The following GOSR1 variants were observed in gnomAD, a reference collection of about 807,000 sequenced individuals.
GOSR1 encodes the protein 28 kDa Golgi SNARE protein.
Under a neutral mutation model 35.5 loss-of-function variants are expected in GOSR1, and 21 were observed. The ratio of observed to expected loss-of-function variants is 0.59; its 90% CI spans 0.42 to 0.85. The LOEUF (loss-of-function observed/expected upper bound fraction) is 0.85. Ranked by LOEUF, GOSR1 falls within the 40% of genes least tolerant of loss-of-function variation. The pLI is 0.00. For missense variants in GOSR1, 285 were observed against 309.6 expected, an observed-to-expected ratio of 0.92 and a Z score of 0.60; for synonymous variants, 94 against 106.6, an observed-to-expected ratio of 0.88 and a Z score of 0.73.
At chr17:30,506,182 GCACAACT>G (rs759154691) in intron 6 of GOSR1, among the ~76,000 whole-genome samples, 1 of 152,208 alleles carries the variant, frequency 6.6e-6, no homozygotes, top group Non-Finnish European at 1.5e-5. Context: ...AGGAAGAGTT[GCACAACT>G]CTTTCAATCA....
At position 30,518,048 on chromosome 17, in the gene GOSR1, T is replaced by C. The variant is rs1357290766; in HGVS notation, c.540-1891T>C. On this transcript the variant is annotated intron_variant, in intron 7 of 8. Coordinates refer to ENST00000451249, the MANE Select transcript of GOSR1 (RefSeq NM_001007025.2). ...AGCTACAAGACTATCGGCTCTCTGC[T>C]TGTCATCTTTCTGGCTGCATGTAGC... Among the ~76,000 whole-genome samples, 3 of 152,180 alleles carry C rather than the reference T, an allele frequency of 2.0e-5. No homozygotes were observed. The East Asian group carries it at 5.8e-4, about 29-fold the overall frequency.
At chr17:30,503,587 G>A (rs1305178764) in intron 6 of GOSR1, among the ~76,000 whole-genome samples, 7 of 152,186 alleles carry the variant, frequency 4.6e-5, no homozygotes, top group African/African-American at 7.2e-5. Context: ...GTGTCCACAC[G>A]TCCAGGATAT....
intron 6 of GOSR1, among the ~76,000 whole-genome samples, chr17:30,501,961 A>G (rs188693083): frequency 1.5e-4 from 23 of 152,364 alleles, no homozygotes; most frequent in Admixed American, 1.2e-3. Context: ...AGCAGTCAAG[A>G]TGTCCTTAAA....
chr17:30,484,385 G>A (rs1597757663), intron 3 of GOSR1, 84 bp downstream of exon 3: 1 of 844,318 alleles, frequency 1.2e-6, no homozygotes, highest in East Asian at 2.4e-5. Context: ...AGACAGACAT[G>A]TTTATTGAAA....
intron 6 of GOSR1, among the ~76,000 whole-genome samples, chr17:30,498,594 A>G (rs1967086128): frequency 6.6e-6 from 1 of 152,198 alleles, no homozygotes; most frequent in African/African-American, 2.4e-5. Flanking sequence ...ATAGAAAAAG[A>G]TTGAAAAGTT....
intron 2 of GOSR1, among the ~76,000 whole-genome samples, chr17:30,483,872 A>G (rs1237412929): frequency 6.6e-6 from 1 of 152,254 alleles, no homozygotes; most frequent in Admixed American, 6.5e-5. Flanking sequence ...GTAAGTGAAA[A>G]TGGAGAAGAT....
chr17:30,481,438 A>G, intron 2 of GOSR1, 181 bp downstream of exon 2: 1 of 426,814 alleles, frequency 2.3e-6, no homozygotes, highest in South Asian at 3.6e-5. Flanking sequence ...TCTCGAGACT[A>G]GCATTTATTT....
chr17:30,500,937 G>A (rs1967180343), intron 6 of GOSR1, among the ~76,000 whole-genome samples: 1 of 149,408 alleles, frequency 6.7e-6, no homozygotes, highest in African/African-American at 2.5e-5. Context: ...CTGGAGTGCA[G>A]TGGCGGGATC....
chr17:30,492,030 G>A (rs760886782), intron 5 of GOSR1, among the ~76,000 whole-genome samples: 7 of 151,952 alleles, frequency 4.6e-5, no homozygotes, highest in Admixed American at 2.0e-4. Context: ...AGCCAACATT[G>A]TGCCACTGCA....
At position 30,526,546 on chromosome 17, in the gene GOSR1, C is replaced by T. The variant is rs1284149428; in HGVS notation, c.*4168C>T. On this transcript the variant is annotated 3_prime_UTR_variant, in exon 9 of 9. Coordinates refer to ENST00000451249, the MANE Select transcript of GOSR1 (RefSeq NM_001007025.2). ...TCAAGGTATTTGCATCCATTCCCACCCTGTTAGCTCTTAAGGGAGGAGGGA... is the reference window on the plus strand; with the variant it reads ...TCAAGGTATTTGCATCCATTCCCACTCTGTTAGCTCTTAAGGGAGGAGGGA... The T allele has an allele frequency of 6.6e-6, 1 of 152,580 alleles. No homozygotes were observed. The highest frequency in any genetic ancestry group is 2.4e-5 in the African/African-American group (1 of 41,418). 9.5% of individuals were successfully genotyped at this position (152,580 alleles called of 1,614,324 possible).
intron 8 of GOSR1, among the ~76,000 whole-genome samples, chr17:30,520,585 T>C (rs1202509146): frequency 6.6e-6 from 1 of 152,212 alleles, no homozygotes; most frequent in African/African-American, 2.4e-5. Flanking sequence ...TTATTAATAC[T>C]TCCCAGAAAC....
At chr17:30,488,511 T>A (rs184808791) in intron 4 of GOSR1, among the ~76,000 whole-genome samples, 143 of 151,322 alleles carry the variant, frequency 9.5e-4, no homozygotes, top group African/African-American at 3.3e-3. Flanking sequence ...AAAAAATATA[T>A]GTAAGAATGT....
Position 30,490,210 on chromosome 17 carries a change from GAT to G in GOSR1, c.430_431del (p.Ile144Ter). The G allele has an allele frequency of 7.0e-7, 1 of 1,436,538 alleles. No individual in the cohort carries two copies. The highest frequency in any genetic ancestry group is 9.8e-7 in the Non-Finnish European group (1 of 1,018,640). 89.0% of individuals were successfully genotyped at this position (1,436,538 alleles called of 1,614,324 possible). On this transcript the variant is annotated frameshift_variant, in exon 5 of 9. Transcript: ENST00000451249. LOFTEE classifies it high-confidence loss of function. ...RENLMGSVRK[D>X]IESYKSGSGV... ...GAATCTTATGGGATCAGTACGAAAA[GAT>G]ATTGAGTAAGTTACTTTTTATATTA...
intron 6 of GOSR1, among the ~76,000 whole-genome samples, chr17:30,506,026 G>A (rs945761577): frequency 1.2e-4 from 18 of 152,110 alleles, no homozygotes; most frequent in African/African-American, 4.1e-4. Context: ...CACCGTGCCC[G>A]GCCAGTTGTG....
chr17:30,494,843 A>G (rs1597775623), intron 6 of GOSR1, among the ~76,000 whole-genome samples: 1 of 150,982 alleles, frequency 6.6e-6, no homozygotes, highest in Middle Eastern at 3.5e-3. Context: ...CCTAACTTCA[A>G]GAGATCCACC....
intron 6 of GOSR1, among the ~76,000 whole-genome samples, chr17:30,507,834 GAT>G (rs1338418740): frequency 6.6e-6 from 1 of 152,134 alleles, no homozygotes; most frequent in East Asian, 1.9e-4. Flanking sequence ...GATTTTAACA[GAT>G]AAGCAAAAGA....
rs143767909 is a variant in GOSR1 at position 30,498,596 on chromosome 17, T to G, written c.509+5843T>G. Among the ~76,000 whole-genome samples, 127 of 152,278 alleles carry G rather than the reference T, an allele frequency of 8.3e-4. 1 individual carries two copies. The East Asian group carries it at 0.023, about 27-fold the overall frequency. Reference sequence around the variant, plus strand: ...TCTCCAAGTAGAGATAGAAAAAGATTGAAAAGTTGAAACTCAGACCTCATG... The same window carrying G: ...TCTCCAAGTAGAGATAGAAAAAGATGGAAAAGTTGAAACTCAGACCTCATG... On this transcript the variant is annotated intron_variant, in intron 6 of 8. Coordinates refer to ENST00000451249, the MANE Select transcript of GOSR1 (RefSeq NM_001007025.2).
At chr17:30,522,162 C>G (rs1968059886) in intron 8 of GOSR1, 92 bp from the exon 9 acceptor site, 3 of 1,006,422 alleles carry the variant, frequency 3.0e-6, no homozygotes, top group Middle Eastern at 4.4e-4. Flanking sequence ...ATCACTGTTT[C>G]TAGACACCAC....
chr17:30,486,420 G>A (rs1463763832), intron 4 of GOSR1, among the ~76,000 whole-genome samples: 2 of 151,932 alleles, frequency 1.3e-5, no homozygotes, highest in Non-Finnish European at 2.9e-5. Context: ...GGGAGGCTGA[G>A]GCAGGAGAAT....
Sources: allele counts gnomAD v4.1 joint callset (sites outside exome capture counted in the v4.1 genomes callset), GRCh38; gene constraint gnomAD v4.1.1; transcripts MANE v1.5; gene names NCBI Gene and HGNC (gene_info 2026-07-23, HGNC 2026-07-21).